The following MAGI1 variants were observed in gnomAD, a reference collection of about 807,000 sequenced individuals.
MAGI1 encodes membrane associated guanylate kinase, WW and PDZ domain containing 1, also known as membrane-associated guanylate kinase, WW and PDZ domain-containing protein 1.
Under a neutral mutation model 139.9 loss-of-function variants are expected in MAGI1, and 58 were observed. That is an observed-to-expected ratio of 0.41 (90% CI 0.34 to 0.52). MAGI1 has a LOEUF of 0.52. Ranked by LOEUF, MAGI1 falls within the 20% of genes least tolerant of loss-of-function variation. MAGI1 has a pLI of 0.12. For synonymous variants in MAGI1, 812 were observed against 737.9 expected, an observed-to-expected ratio of 1.10 and a Z score of -1.63; for missense variants, 1,874 against 1,901.6, an observed-to-expected ratio of 0.99 and a Z score of 0.27.
intron 8 of MAGI1, among the ~76,000 whole-genome samples, chr3:65,440,835 ATACATATATACATATG>A (rs1406546437): frequency 1.9e-4 from 14 of 73,836 alleles, no homozygotes; most frequent in Non-Finnish European, 4.2e-4. Context: ...ATGTATACAT[ATACATATATACATATG>A]TATACATATA....
At chr3:65,705,666 T>A (rs2030123825) in intron 1 of MAGI1, among the ~76,000 whole-genome samples, 1 of 152,252 alleles carries the variant, frequency 6.6e-6, no homozygotes, top group Admixed American at 6.5e-5. Context: ...TTGAACATTT[T>A]CACATACCCC....
intron 14 of MAGI1, among the ~76,000 whole-genome samples, chr3:65,384,954 T>C (rs1047545424): frequency 2.0e-5 from 3 of 152,270 alleles, no homozygotes; most frequent in South Asian, 4.1e-4. Context: ...TCAATACTAT[T>C]ACCAAAATCA....
chr3:65,567,142 T>C (rs988998514), intron 2 of MAGI1, among the ~76,000 whole-genome samples: 1 of 152,174 alleles, frequency 6.6e-6, no homozygotes, highest in Admixed American at 6.5e-5. Flanking sequence ...CCCAGGACAC[T>C]CATAATGTTA....
chr3:65,470,523 G>GGA, intron 4 of MAGI1, 39 bp from the exon 5 acceptor site: 16 of 933,362 alleles, frequency 1.7e-5, no homozygotes, highest in Non-Finnish European at 2.5e-5. Context: ...GAGAGAGAGA[G>GGA]AAAAAAAAAA....
At chr3:65,807,489 C>T (rs753055280) in intron 1 of MAGI1, among the ~76,000 whole-genome samples, 1 of 152,174 alleles carries the variant, frequency 6.6e-6, no homozygotes, top group Non-Finnish European at 1.5e-5. Flanking sequence ...AGTTTCAACA[C>T]GATTCCGGGG....
At chr3:65,876,349 C>G (rs2060116948) in intron 1 of MAGI1, among the ~76,000 whole-genome samples, 2 of 151,746 alleles carry the variant, frequency 1.3e-5, no homozygotes, top group African/African-American at 4.8e-5. Context: ...CACTCACCAC[C>G]CCCCCCAAAA....
chr3:65,527,765 A>G (rs1250844631), intron 2 of MAGI1, among the ~76,000 whole-genome samples: 8 of 151,790 alleles, frequency 5.3e-5, no homozygotes, highest in Admixed American at 5.3e-4. Flanking sequence ...ACAAAAATAA[A>G]TTAGCCAGGA....
At chr3:65,819,444 G>A (rs561220702) in intron 1 of MAGI1, among the ~76,000 whole-genome samples, 2 of 152,100 alleles carry the variant, frequency 1.3e-5, no homozygotes, top group African/African-American at 4.8e-5. Flanking sequence ...GGTCATCCTA[G>A]TGACCAATGT....
At chr3:65,617,740 T>G (rs866492958) in intron 2 of MAGI1, among the ~76,000 whole-genome samples, 1 of 152,124 alleles carries the variant, frequency 6.6e-6, no homozygotes, top group Non-Finnish European at 1.5e-5. Context: ...AATTCTGCTG[T>G]TTTTCTCAAA....
chr3:65,464,242 A>G (rs1950020323), intron 5 of MAGI1, among the ~76,000 whole-genome samples: 1 of 151,652 alleles, frequency 6.6e-6, no homozygotes, highest in African/African-American at 2.4e-5. Flanking sequence ...GCTCTTGACA[A>G]TTTCTCCTCT....
intron 1 of MAGI1, among the ~76,000 whole-genome samples, chr3:66,008,174 G>A (rs1369262665): frequency 3.3e-5 from 5 of 152,116 alleles, no homozygotes; most frequent in Admixed American, 2.0e-4. Flanking sequence ...TGGGATCATA[G>A]GTGTGAGCCA....
chr3:65,617,866 G>T (rs749053642), intron 2 of MAGI1, among the ~76,000 whole-genome samples: 1 of 152,200 alleles, frequency 6.6e-6, no homozygotes. Flanking sequence ...ACTAAGCTAG[G>T]AGTGGCCTGG....
At chr3:65,756,252 G>A (rs556654909) in intron 1 of MAGI1, among the ~76,000 whole-genome samples, 2 of 152,166 alleles carry the variant, frequency 1.3e-5, no homozygotes, top group Admixed American at 1.3e-4. Flanking sequence ...TTCTAAAGAT[G>A]GCCAGTGGGG....
intron 2 of MAGI1, among the ~76,000 whole-genome samples, chr3:65,603,356 G>C (rs893656050): frequency 6.6e-6 from 1 of 152,170 alleles, no homozygotes; most frequent in Non-Finnish European, 1.5e-5. Context: ...ATATAGCACA[G>C]TGTTGAGATG....
intron 1 of MAGI1, among the ~76,000 whole-genome samples, chr3:65,792,705 G>A (rs1355198471): frequency 6.6e-6 from 1 of 152,034 alleles, no homozygotes; most frequent in Non-Finnish European, 1.5e-5. Context: ...ACAATGGGAG[G>A]ATTCACGTTC....
At chr3:65,699,850 A>G (rs2089476335) in intron 1 of MAGI1, among the ~76,000 whole-genome samples, 1 of 151,552 alleles carries the variant, frequency 6.6e-6, no homozygotes, top group South Asian at 2.1e-4. Flanking sequence ...CACAATGTGC[A>G]CATGTACCCT....
chr3:65,934,925 G>C (rs1319853017), intron 1 of MAGI1, among the ~76,000 whole-genome samples: 1 of 152,004 alleles, frequency 6.6e-6, no homozygotes, highest in Non-Finnish European at 1.5e-5. Context: ...ACTGTGGTTG[G>C]TACAAACACA....
chr3:65,995,990 C>T (rs895352823), intron 1 of MAGI1, among the ~76,000 whole-genome samples: 2 of 152,026 alleles, frequency 1.3e-5, no homozygotes, highest in Non-Finnish European at 2.9e-5. Flanking sequence ...AGAGAAAGAC[C>T]CTTTCTCAAA....
chr3:65,806,854 C>T (rs2040892846), intron 1 of MAGI1, among the ~76,000 whole-genome samples: 1 of 152,096 alleles, frequency 6.6e-6, no homozygotes, highest in South Asian at 2.1e-4. Context: ...TCCAAATGTC[C>T]CCCTTGAAGA....
Sources: allele counts gnomAD v4.1 joint callset (sites outside exome capture counted in the v4.1 genomes callset), GRCh38; gene constraint gnomAD v4.1.1; transcripts MANE v1.5; gene names NCBI Gene and HGNC (gene_info 2026-07-23, HGNC 2026-07-21).